Variants in GPR158 observed in about 807,000 individuals in gnomAD.
GPR158 encodes the protein G protein-coupled receptor 158, also known as metabotropic glycine receptor.
A neutral mutation model predicts 78.2 loss-of-function variants in GPR158; 30 were observed. The ratio of observed to expected loss-of-function variants is 0.38; its 90% confidence interval spans 0.29 to 0.52. The LOEUF (loss-of-function observed/expected upper bound fraction) is 0.52. Among genes scored for constraint, GPR158 ranks in the 20% least tolerant of loss-of-function variants. The pLI is 0.83. For missense variants in GPR158, 1,463 were observed against 1,523.5 expected (o/e 0.96, Z 0.66); for synonymous variants, 581 against 591.1 (o/e 0.98, Z 0.25).
intron 1 of GPR158, among the ~76,000 whole-genome samples, chr10:25,191,969 T>C (rs1457363182): frequency 6.6e-6 from 1 of 152,012 alleles, no homozygotes; most frequent in Non-Finnish European, 1.5e-5. Flanking sequence ...TCCCAAAGAG[T>C]TCTACAGGTT....
At chr10:25,532,818 A>G (rs897381167) in intron 5 of GPR158, among the ~76,000 whole-genome samples, 18 of 152,070 alleles carry the variant, frequency 1.2e-4, no homozygotes, top group African/African-American at 4.1e-4. Flanking sequence ...TTCCCAGCCA[A>G]CCTATTCAGA....
At chr10:25,198,783 T>C (rs1230145353) in intron 1 of GPR158, among the ~76,000 whole-genome samples, 3 of 152,096 alleles carry the variant, frequency 2.0e-5, no homozygotes, top group Non-Finnish European at 4.4e-5. Flanking sequence ...CGTTCAGTCA[T>C]CAATGGGCCA....
At chr10:25,390,639 CA>C (rs1168597665) in intron 2 of GPR158, among the ~76,000 whole-genome samples, 1 of 152,108 alleles carries the variant, frequency 6.6e-6, no homozygotes. Flanking sequence ...TATTCATTCA[CA>C]AAGATATGAT....
chr10:25,270,507 ACTGT>A, intron 2 of GPR158, among the ~76,000 whole-genome samples: 1 of 152,080 alleles, frequency 6.6e-6, no homozygotes, highest in East Asian at 1.9e-4. Flanking sequence ...GCAGCTACAA[ACTGT>A]CTACTTTTGG....
intron 2 of GPR158, among the ~76,000 whole-genome samples, chr10:25,380,969 C>T (rs1045865157): frequency 6.6e-6 from 1 of 152,090 alleles, no homozygotes; most frequent in African/African-American, 2.4e-5. Flanking sequence ...TGCAGATAAC[C>T]TTAACATTTG....
intron 2 of GPR158, among the ~76,000 whole-genome samples, chr10:25,389,978 A>G (rs1834271720): frequency 6.6e-6 from 1 of 152,208 alleles, no homozygotes; most frequent in Admixed American, 6.5e-5. Context: ...TGCTGTTCTC[A>G]TGATAGTGAA....
chr10:25,574,599 G>A (rs1837061739), intron 7 of GPR158, among the ~76,000 whole-genome samples: 1 of 152,068 alleles, frequency 6.6e-6, no homozygotes, highest in Admixed American at 6.6e-5. Flanking sequence ...TATAAGAACA[G>A]TGAAGGTCTG....
chr10:25,357,832 G>A (rs1327003060), intron 2 of GPR158, among the ~76,000 whole-genome samples: 4 of 151,972 alleles, frequency 2.6e-5, no homozygotes, highest in African/African-American at 7.3e-5. Context: ...TTGAGAAGAG[G>A]GCCACCATAG....
chr10:25,256,222 G>T (rs901260106), intron 2 of GPR158, among the ~76,000 whole-genome samples: 1 of 151,220 alleles, frequency 6.6e-6, no homozygotes, highest in African/African-American at 2.4e-5. Context: ...ACCAAACAGC[G>T]TTTAAAATTA....
chr10:25,528,519 T>G (rs747272983), intron 5 of GPR158, among the ~76,000 whole-genome samples: 10 of 152,122 alleles, frequency 6.6e-5, no homozygotes, highest in Non-Finnish European at 1.3e-4. Context: ...GAATGAATAT[T>G]TTAAAATTAC....
chr10:25,490,023 A>G (rs888773044), intron 5 of GPR158, among the ~76,000 whole-genome samples: 1 of 152,168 alleles, frequency 6.6e-6, no homozygotes, highest in East Asian at 1.9e-4. Context: ...TGAAATGCAT[A>G]TATACTAGCT....
chr10:25,344,046 A>T (rs1029083791), intron 2 of GPR158, among the ~76,000 whole-genome samples: 1 of 151,894 alleles, frequency 6.6e-6, no homozygotes, highest in African/African-American at 2.4e-5. Flanking sequence ...CTGAATTTCC[A>T]TTATTGCTCT....
chr10:25,392,531 T>C (rs1282873848), intron 2 of GPR158, among the ~76,000 whole-genome samples: 2 of 152,230 alleles, frequency 1.3e-5, no homozygotes, highest in Admixed American at 1.3e-4. Flanking sequence ...TTAATTTTTA[T>C]ATTTTTATCA....
intron 1 of GPR158, among the ~76,000 whole-genome samples, chr10:25,194,679 T>C (rs1265405050): frequency 6.6e-6 from 1 of 152,158 alleles, no homozygotes; most frequent in Non-Finnish European, 1.5e-5. Flanking sequence ...AATCGAAAAC[T>C]GGCAGTATGA....
At chr10:25,402,303 T>C (rs1737919848) in intron 3 of GPR158, among the ~76,000 whole-genome samples, 3 of 152,076 alleles carry the variant, frequency 2.0e-5, no homozygotes, top group Admixed American at 6.6e-5. Flanking sequence ...GCTGAGAAAC[T>C]GTTTCAAATC....
intron 2 of GPR158, among the ~76,000 whole-genome samples, chr10:25,340,577 C>T (rs58548311): frequency 0.025 from 3,763 of 151,966 alleles, 161 homozygotes; most frequent in African/African-American, 0.086. Context: ...CACAATAACT[C>T]AAGTAGTGAG....
At chr10:25,531,379 G>A (rs982215999) in intron 5 of GPR158, among the ~76,000 whole-genome samples, 1 of 152,190 alleles carries the variant, frequency 6.6e-6, no homozygotes, top group Non-Finnish European at 1.5e-5. Flanking sequence ...TAATGACCAT[G>A]TGTTAAGCAG....
chr10:25,229,457 A>G (rs774894193), intron 2 of GPR158, among the ~76,000 whole-genome samples: 1 of 152,172 alleles, frequency 6.6e-6, no homozygotes, highest in Non-Finnish European at 1.5e-5. Flanking sequence ...AACACTAACG[A>G]TGGCTGCAAC....
intron 1 of GPR158, among the ~76,000 whole-genome samples, chr10:25,207,304 G>A (rs1337248201): frequency 6.6e-6 from 1 of 152,114 alleles, no homozygotes; most frequent in Non-Finnish European, 1.5e-5. Flanking sequence ...ATTCATTGGT[G>A]CTTCTGGACA....
Sources: allele counts gnomAD v4.1 joint callset (sites outside exome capture counted in the v4.1 genomes callset), GRCh38; gene constraint gnomAD v4.1.1; transcripts MANE v1.5; gene names NCBI Gene and HGNC (gene_info 2026-07-23, HGNC 2026-07-21).